The following TUBGCP6 variants were observed in gnomAD, a reference collection of about 807,000 sequenced individuals.
TUBGCP6 encodes gamma-tubulin complex component 6.
A neutral mutation model predicts 175.8 loss-of-function variants in TUBGCP6; 161 were observed. That is an observed-to-expected ratio of 0.92 (90% confidence interval 0.81 to 1.04). The LOEUF (loss-of-function observed/expected upper bound fraction) is 1.04. Ranked by LOEUF, TUBGCP6 falls within the 50% of genes least tolerant of loss-of-function variation. The probability of loss-of-function intolerance (pLI) is 0.00; values close to 1 mark genes in which losing one functional copy is unlikely to be tolerated. For synonymous variants in TUBGCP6, 1,173 were observed against 1,030.5 expected (o/e 1.14, Z -2.65); for missense variants, 2,572 against 2,433.0 (o/e 1.06, Z -1.20).
chr22:50,226,619 C>T (rs2064614706), intron 7 of TUBGCP6, 114 bp downstream of exon 7: 2 of 991,910 alleles, frequency 2.0e-6, no homozygotes, highest in African/African-American at 1.6e-5. Context: ...ACCTATCCTG[C>T]CCTCCCCTTC....
At position 50,244,684 on chromosome 22, in the gene TUBGCP6, C is replaced by G. The variant is rs1430730458; in HGVS notation, c.-225G>C. On this transcript the variant is annotated 5_prime_UTR_variant, in exon 1 of 25. Coordinates refer to ENST00000248846, the MANE Select transcript of TUBGCP6 (RefSeq NM_020461.4). ...CCCAGTCCAAGCACGCTGCCCGGCG[C>G]CCGGCAGCCCACCAGAAGCCAGCTC... The G allele has an allele frequency of 3.2e-6, 2 of 632,406 alleles. No individual in the cohort carries two copies. Among genetic ancestry groups the G allele is most frequent in the East Asian group, 3.1e-5 (1 of 32,600 alleles). 39.2% of individuals were successfully genotyped at this position (632,406 alleles called of 1,614,324 possible). A position where few individuals can be genotyped will look rare whatever the true frequency, so the allele number is the denominator to read the frequency against.
At chr22:50,236,386 C>G (rs1385627776) in intron 2 of TUBGCP6, among the ~76,000 whole-genome samples, 2 of 152,186 alleles carry the variant, frequency 1.3e-5, no homozygotes, top group Admixed American at 1.3e-4. Context: ...CCGCCCACCT[C>G]AGCCTCCCAA....
At chr22:50,234,252 A>G (rs1470128237) in intron 2 of TUBGCP6, among the ~76,000 whole-genome samples, 1 of 123,560 alleles carries the variant, frequency 8.1e-6, no homozygotes, top group Non-Finnish European at 1.6e-5. Context: ...CCCTCTGTCC[A>G]CGGAAGCATC....
chr22:50,221,235 C>T lies in TUBGCP6; in HGVS notation c.3124G>A (p.Glu1042Lys). The change falls in exon 16 of 25, where the codon GAA (glutamate) becomes AAA (lysine). Residue 1042 changes from glutamate (E) to lysine (K), a missense_variant. By Grantham distance (56) the Glu-to-Lys change is moderately conservative (BLOSUM62 1). Transcript: ENST00000248846. ...CACCGTGGCCGGGTGGGAGCTATTTCAGAAGCGTAGTCCCCTGTGGGAAGA... is the reference window on the plus strand; with the variant it reads ...CACCGTGGCCGGGTGGGAGCTATTTTAGAAGCGTAGTCCCCTGTGGGAAGA... ...GGLPTGDYAS[E>K]IAPTRPRWNT... 2.5e-6 allele frequency: 4 copies of T among 1,614,184 alleles called. No homozygotes were observed. The highest frequency in any genetic ancestry group is 3.4e-6 in the Non-Finnish European group (4 of 1,180,046).
At position 50,222,717 on chromosome 22, in the gene TUBGCP6, C is replaced by T. The variant is rs191193843; in HGVS notation, c.2271-125G>A. 2.5e-5 allele frequency: 34 copies of T among 1,360,008 alleles called. No individual in the cohort carries two copies. In the Admixed American group the frequency reaches 3.3e-4, roughly 13 times the overall value. The allele number at this position is 1,360,008 out of a possible 1,614,324, so 84.2% of individuals were successfully genotyped here. A position where few individuals can be genotyped will look rare whatever the true frequency, so the allele number is the denominator to read the frequency against. ...AGTGGGCCCCCGCCCCCGTCTCCCC[C>T]TACCAGGGGCTGATAGCTCTGGGCC... On this transcript the variant is annotated intron_variant, in intron 13 of 24. Transcript: ENST00000248846.
chr22:50,240,429 G>T, intron 1 of TUBGCP6, 62 bp from the exon 2 acceptor site: 2 of 1,591,012 alleles, frequency 1.3e-6, no homozygotes, highest in South Asian at 2.2e-5. Context: ...ATCCAAGGGC[G>T]ATGAGAATTT....
Position 50,218,049 on chromosome 22 carries a change from T to C in TUBGCP6, c.5237A>G (p.Lys1746Arg), listed in dbSNP as rs1350601027. ...VIHSIFSLVLKFRSQLISQAW... is the reference protein window; with the variant it reads ...VIHSIFSLVLRFRSQLISQAW... ...CTGGGAGATGAGCTGGCTGCGGAAC[T>C]TGAGCACGAGGCTGAAGATGCTGTG... The change falls in exon 24 of 25, where the codon AAG becomes AGG. Residue 1746 changes from lysine (K) to arginine (R), a missense_variant. Transcript: ENST00000248846. The C allele has an allele frequency of 1.2e-6, 2 of 1,613,346 alleles. No individual in the cohort carries two copies. Among genetic ancestry groups the C allele is most frequent in the Non-Finnish European group, 1.7e-6 (2 of 1,179,944 alleles).
chr22:50,219,631 C>G lies in TUBGCP6; in HGVS notation c.4315+13G>C. The G allele has an allele frequency of 6.2e-7, 1 of 1,612,154 alleles. No individual in the cohort carries two copies. Among genetic ancestry groups the G allele is most frequent in the Non-Finnish European group, 8.5e-7 (1 of 1,178,868 alleles). On this transcript the variant is annotated intron_variant, in intron 18 of 24. Coordinates refer to ENST00000248846, the MANE Select transcript of TUBGCP6 (RefSeq NM_020461.4). The stretch of plus-strand genomic sequence containing the variant: ...GCCCAGGGCTCCCTGCCAACAGCAA[C>G]TGCTGCACTCACACATGGACTCGTA...
At position 50,219,890 on chromosome 22, in the gene TUBGCP6, C is replaced by T. The variant is rs114413694; in HGVS notation, c.4167+67G>A. Reference sequence around the variant, plus strand: ...GAAAATCGCATGTGGGACCCACCCGCGTGACAACCTAGAGGGACAGAGCCC... The same window carrying T: ...GAAAATCGCATGTGGGACCCACCCGTGTGACAACCTAGAGGGACAGAGCCC... On this transcript the variant is annotated intron_variant, in intron 17 of 24. Coordinates refer to ENST00000248846, the MANE Select transcript of TUBGCP6 (RefSeq NM_020461.4). 4.8e-4 allele frequency: 765 copies of T among 1,604,930 alleles called. 5 individuals carry two copies. The African/African-American group carries it at 8.8e-3, about 18-fold the overall frequency.
At chr22:50,225,429 G>A (rs2064590727) in intron 10 of TUBGCP6, among the ~76,000 whole-genome samples, 1 of 152,176 alleles carries the variant, frequency 6.6e-6, no homozygotes, top group South Asian at 2.1e-4. Flanking sequence ...AGTGCAGCCA[G>A]GACTGTCTGT....
chr22:50,243,320 C>T (rs955648807), intron 1 of TUBGCP6, among the ~76,000 whole-genome samples: 10 of 151,732 alleles, frequency 6.6e-5, no homozygotes, highest in African/African-American at 2.4e-4. Context: ...TGGTGGCATG[C>T]ACCTAAATCC....
At chr22:50,242,848 G>A (rs552536553) in intron 1 of TUBGCP6, among the ~76,000 whole-genome samples, 1 of 152,190 alleles carries the variant, frequency 6.6e-6, no homozygotes, top group Non-Finnish European at 1.5e-5. Context: ...GAAGGCAGAG[G>A]TGGCTTAACG....
intron 4 of TUBGCP6, among the ~76,000 whole-genome samples, chr22:50,228,502 C>G (rs1335152552): frequency 6.6e-6 from 1 of 152,206 alleles, no homozygotes; most frequent in African/African-American, 2.4e-5. Flanking sequence ...AACGCCACAG[C>G]AGCAGGCCCT....
chr22:50,224,329 C>G lies in TUBGCP6; in HGVS notation c.2154+3G>C, dbSNP rs763848471. 6 of 1,614,242 alleles carry G rather than the reference C, an allele frequency of 3.7e-6. No homozygotes were observed. In the East Asian group the frequency reaches 8.9e-5, roughly 24 times the overall value. The stretch of plus-strand genomic sequence containing the variant: ...TGACCCCGCAGGGACAGGTCCTACC[C>G]ACCTCCTGGTCCTTCACAAATTGTT... On this transcript the variant is annotated splice_donor_region_variant and intron_variant, in intron 12 of 24. Transcript: ENST00000248846.
At chr22:50,226,683 C>T (rs1434641170) in intron 7 of TUBGCP6, 50 bp downstream of exon 7, 2 of 1,457,754 alleles carry the variant, frequency 1.4e-6, no homozygotes, top group Non-Finnish European at 9.4e-7. Flanking sequence ...TCTCAAGTGT[C>T]TGCCTGGTGG....
In TUBGCP6 at chr22:50,221,202, G is replaced by C. The variant is rs538195982; in HGVS notation, c.3157C>G (p.His1053Asp). The change falls in exon 16 of 25, where the codon CAC becomes GAC. Residue 1053 changes from histidine (H) to aspartate (D), a missense_variant. Coordinates refer to ENST00000248846, the MANE Select transcript of TUBGCP6 (RefSeq NM_020461.4). ...ATGCTGGCGTCAGACACGTGCCCGT[G>C]GGTGTTCCACCGTGGCCGGGTGGGA... The part of the protein sequence containing the change: ...IAPTRPRWNT[H>D]GHVSDASIRV... 1.2e-6 allele frequency: 2 copies of C among 1,611,952 alleles called. No homozygotes were observed. Among genetic ancestry groups the C allele is most frequent in the African/African-American group, 2.7e-5 (2 of 75,032 alleles).
Position 50,219,963 on chromosome 22 carries a change from G to A in TUBGCP6, c.4161C>T (p.Asn1387=), listed in dbSNP as rs1422857922. The A allele has an allele frequency of 1.2e-6, 2 of 1,614,020 alleles. No individual in the cohort carries two copies. Among genetic ancestry groups the A allele is most frequent in the East Asian group, 2.2e-5 (1 of 44,868 alleles). The change falls in exon 17 of 25, where the codon AAC becomes AAT. Residue 1387 remains asparagine (N), a synonymous_variant. Coordinates refer to ENST00000248846, the MANE Select transcript of TUBGCP6 (RefSeq NM_020461.4). ...TEDLSPNWPL[N]SQEDTAAQSS... ...CAGGCTGCATCCACCTAACCTGTGAGTTGAGAGGCCAATTTGGAGAGAGGT... is the reference window on the plus strand; with the variant it reads ...CAGGCTGCATCCACCTAACCTGTGAATTGAGAGGCCAATTTGGAGAGAGGT...
chr22:50,243,995 C>A lies in TUBGCP6; in HGVS notation c.465G>T (p.Val155=), dbSNP rs755442503. ...YSGYDCDDLS[V]FEMDVQSLIS... ...TCAGAGACTGAACGTCCATCTCAAA[C>A]ACACTCAGGTCGTCGCAATCATAGC... Residue 155 remains valine, a synonymous_variant, in exon 1 of 25, where the codon GTG becomes GTT. Transcript: ENST00000248846. 1 of 1,614,178 alleles carries A rather than the reference C, an allele frequency of 6.2e-7. No homozygotes were observed. The highest frequency in any genetic ancestry group is 1.1e-5 in the South Asian group (1 of 91,090).
chr22:50,218,940 A>G (rs745356037), intron 20 of TUBGCP6, 43 bp from the exon 21 acceptor site: 41 of 1,591,592 alleles, frequency 2.6e-5, no homozygotes, highest in Non-Finnish European at 3.4e-5. Flanking sequence ...TCCCAAGCAC[A>G]TGCCTGGCAC....
Sources: allele counts gnomAD v4.1 joint callset (sites outside exome capture counted in the v4.1 genomes callset), GRCh38; gene constraint gnomAD v4.1.1; transcripts MANE v1.5; gene names NCBI Gene and HGNC (gene_info 2026-07-23, HGNC 2026-07-21).